The following DOK5 variants were observed in gnomAD, a reference collection of about 807,000 sequenced individuals.
DOK5 encodes downstream of tyrosine kinase 5.
Under a neutral mutation model 43.3 loss-of-function variants are expected in DOK5, and 27 were observed. The ratio of observed to expected loss-of-function variants is 0.62; its 90% CI spans 0.46 to 0.86. DOK5 has a LOEUF of 0.86. Among genes scored for constraint, DOK5 ranks in the 40% least tolerant of loss-of-function variants. The pLI, the probability that DOK5 is intolerant of heterozygous loss-of-function variation, is 0.00. For missense variants in DOK5, 373 were observed against 392.9 expected (o/e 0.95, Z 0.43); for synonymous variants, 146 against 140.1 (o/e 1.04, Z -0.30).
intron 6 of DOK5, among the ~76,000 whole-genome samples, chr20:54,617,474 C>T (rs1044098769): frequency 6.6e-6 from 1 of 152,124 alleles, no homozygotes; most frequent in East Asian, 1.9e-4. Flanking sequence ...ATCACCATGT[C>T]TGGTTCCTTT....
chr20:54,489,488 T>C (rs527772162), intron 1 of DOK5, among the ~76,000 whole-genome samples: 1 of 152,286 alleles, frequency 6.6e-6, no homozygotes, highest in Non-Finnish European at 1.5e-5. Flanking sequence ...ATGGATTTCT[T>C]ATTTAGTGAT....
intron 6 of DOK5, among the ~76,000 whole-genome samples, chr20:54,623,806 C>T (rs1205679869): frequency 6.6e-6 from 1 of 152,150 alleles, no homozygotes; most frequent in Non-Finnish European, 1.5e-5. Context: ...GTCTCGATCT[C>T]CTGACCTCAT....
chr20:54,549,099 C>T (rs6098069), intron 1 of DOK5, among the ~76,000 whole-genome samples: 3,083 of 152,254 alleles, frequency 0.02, 103 homozygotes, highest in African/African-American at 0.07. Flanking sequence ...AAGTCTTTGT[C>T]GGCAGCCCCA....
intron 1 of DOK5, among the ~76,000 whole-genome samples, chr20:54,491,089 T>G (rs1325243241): frequency 3.3e-5 from 5 of 152,232 alleles, no homozygotes; most frequent in Admixed American, 3.3e-4. Context: ...GTGGTCTCCT[T>G]CAGGTATTCT....
At chr20:54,589,396 TA>T (rs926782510) in intron 4 of DOK5, among the ~76,000 whole-genome samples, 40 of 152,290 alleles carry the variant, frequency 2.6e-4, no homozygotes, top group African/African-American at 8.9e-4. Flanking sequence ...AATCTGTAAT[TA>T]AAAAAATACA....
At chr20:54,550,021 T>C (rs1217403205) in intron 1 of DOK5, among the ~76,000 whole-genome samples, 2 of 152,172 alleles carry the variant, frequency 1.3e-5, no homozygotes, top group Non-Finnish European at 2.9e-5. Context: ...AAGATGTTGA[T>C]AGGACTCTCC....
chr20:54,598,848 AG>A (rs1300458948), intron 5 of DOK5, among the ~76,000 whole-genome samples: 1 of 152,218 alleles, frequency 6.6e-6, no homozygotes, highest in East Asian at 1.9e-4. Flanking sequence ...TTGGATATGA[AG>A]GCATCTGAAC....
chr20:54,567,426 G>A (rs1270442230), intron 2 of DOK5, among the ~76,000 whole-genome samples: 1 of 151,640 alleles, frequency 6.6e-6, no homozygotes, highest in Non-Finnish European at 1.5e-5. Flanking sequence ...ACTATCATTT[G>A]TTGAAAAAAA....
intron 7 of DOK5, among the ~76,000 whole-genome samples, chr20:54,648,517 G>C (rs1296390937): frequency 6.6e-6 from 1 of 152,166 alleles, no homozygotes; most frequent in Non-Finnish European, 1.5e-5. Context: ...GTCTAAAAGA[G>C]GCAGCCATAC....
At chr20:54,591,506 C>A in intron 4 of DOK5, 110 bp from the exon 5 acceptor site, 1 of 838,254 alleles carries the variant, frequency 1.2e-6, no homozygotes, top group Non-Finnish European at 1.8e-6. Context: ...AATATGCAAC[C>A]GAAATCTAGA....
In DOK5 at chr20:54,591,746, G is replaced by T. The variant is rs756901677; in HGVS notation, c.540G>T (p.Pro180=). The T allele has an allele frequency of 5.6e-6, 9 of 1,614,004 alleles. No homozygotes were observed. Among genetic ancestry groups the T allele is most frequent in the Non-Finnish European group, 7.6e-6 (9 of 1,180,034 alleles). ...CCAGAGTCAAACTCATCTCTTGGCC[G>T]CTAAGCGCCCTGCGGCGGTATGGAC... The part of the protein sequence containing the change: ...QNPRVKLISW[P]LSALRRYGRD... The change falls in exon 5 of 8, where the codon CCG becomes CCT. Residue 180 remains proline (P), a synonymous_variant. Transcript: ENST00000262593.
intron 2 of DOK5, among the ~76,000 whole-genome samples, chr20:54,583,225 G>C (rs988568255): frequency 2.0e-5 from 3 of 151,822 alleles, no homozygotes; most frequent in African/African-American, 7.3e-5. Flanking sequence ...GTGGTGGTTG[G>C]GAAAGATACT....
At chr20:54,606,059 T>C (rs985647795) in intron 5 of DOK5, among the ~76,000 whole-genome samples, 1 of 152,248 alleles carries the variant, frequency 6.6e-6, no homozygotes, top group Non-Finnish European at 1.5e-5. Flanking sequence ...ATGTTGCCTT[T>C]GGTAGGTGGA....
intron 6 of DOK5, among the ~76,000 whole-genome samples, chr20:54,618,888 A>G (rs1986896884): frequency 6.6e-6 from 1 of 151,014 alleles, no homozygotes; most frequent in African/African-American, 2.4e-5. Flanking sequence ...ATGATGGTGC[A>G]TGCCTGCAGT....
chr20:54,625,660 G>A (rs1987111059), intron 6 of DOK5, among the ~76,000 whole-genome samples: 1 of 152,124 alleles, frequency 6.6e-6, no homozygotes, highest in African/African-American at 2.4e-5. Context: ...TACAAAGTGT[G>A]GATTATATTA....
intron 4 of DOK5, among the ~76,000 whole-genome samples, chr20:54,589,920 G>A (rs537439965): frequency 6.6e-6 from 1 of 152,144 alleles, no homozygotes; most frequent in Admixed American, 6.5e-5. Context: ...TTGAGCTACA[G>A]AGAGGTTAAG....
Position 54,588,710 on chromosome 20 carries a change from A to G in DOK5, c.313A>G (p.Lys105Glu). ...AGATCTTGAGGCTGATGAGTGGTGC[A>G]AAGTACTCCAGATGGAGTGTGTAGG... Reference protein sequence around the residue: ...ESDLEADEWCKVLQMECVGTR... With the variant: ...ESDLEADEWCEVLQMECVGTR... The change falls in exon 4 of 8, where the codon AAA becomes GAA. Residue 105 changes from lysine to glutamate, a missense_variant. Physicochemically the swap from Lys to Glu is moderately conservative, Grantham distance 56. Coordinates refer to ENST00000262593, the MANE Select transcript of DOK5 (RefSeq NM_018431.5). 1 of 1,614,114 alleles carries G rather than the reference A, an allele frequency of 6.2e-7. No individual in the cohort carries two copies. Among genetic ancestry groups the G allele is most frequent in the African/African-American group, 1.3e-5 (1 of 75,030 alleles).
rs1375608876 is a variant in DOK5, at chr20:54,625,676, C to T, written c.735+15153C>T. ...ACAAAGTGTGGATTATATTAGTTCACAACTTGCCAGGTGAGATAAGGCAGG... is the reference window on the plus strand; with the variant it reads ...ACAAAGTGTGGATTATATTAGTTCATAACTTGCCAGGTGAGATAAGGCAGG... On this transcript the variant is annotated intron_variant, in intron 6 of 7. Transcript: ENST00000262593. 4.6e-5 allele frequency among the ~76,000 whole-genome samples: 7 copies of T among 152,202 alleles called. No individual in the cohort carries two copies. In the East Asian group the frequency reaches 1.3e-3, roughly 29 times the overall value.
intron 1 of DOK5, among the ~76,000 whole-genome samples, chr20:54,538,278 T>C (rs1984025681): frequency 6.6e-6 from 1 of 151,720 alleles, no homozygotes; most frequent in African/African-American, 2.4e-5. Context: ...ATAAACTCAA[T>C]GAAATAATGG....
Sources: gnomAD v4.1 joint callset for allele counts (sites outside exome capture counted in the v4.1 genomes callset) on GRCh38, gnomAD v4.1.1 for gene constraint, MANE v1.5 for transcripts, NCBI Gene and HGNC (gene_info 2026-07-23, HGNC 2026-07-21) for gene names.